TMEM198: variants seen among roughly 807,000 people sequenced by gnomAD.
The protein encoded by TMEM198 is transmembrane protein 198.
TMEM198 carries 21 observed loss-of-function variants against 31.5 expected under a neutral mutation model. That is an observed-to-expected ratio of 0.67 (90% CI 0.47 to 0.96). The LOEUF (loss-of-function observed/expected upper bound fraction) is 0.96. Among genes scored for constraint, TMEM198 ranks in the 40% least tolerant of loss-of-function variants. The pLI, the probability that TMEM198 is intolerant of heterozygous loss-of-function variation, is 0.00. For synonymous variants in TMEM198, 211 were observed against 223.3 expected, an observed-to-expected ratio of 0.95 and a Z score of 0.49; for missense variants, 447 against 499.4, an observed-to-expected ratio of 0.89 and a Z score of 1.00.
At position 219,544,273 on chromosome 2, in the gene TMEM198, T is replaced by G; in HGVS notation, c.-144T>G. The G allele has an allele frequency of 2.1e-6, 1 of 469,408 alleles. No homozygotes were observed. The highest frequency in any genetic ancestry group is 4.4e-6 in the Non-Finnish European group (1 of 228,450). 29.1% of individuals were successfully genotyped at this position (469,408 alleles called of 1,614,324 possible). A position where few individuals can be genotyped will look rare whatever the true frequency, so the allele number is the denominator to read the frequency against. ...GCCCCCTTCCTCGCACGACGGACTT[T>G]CCCTGGACCCCAGTCAGTTGGAGCC... On this transcript the variant is annotated 5_prime_UTR_variant, in exon 1 of 5. Transcript: ENST00000373883.
In TMEM198 at chr2:219,549,850, T is replaced by C; in HGVS notation, c.1079T>C (p.Val360Ala). ...LTACSGPPVR[V>A] Reference sequence around the variant, plus strand: ...GCCTGCTCAGGCCCCCCAGTGCGGGTATAGCCATATCTGTCTGTCTAGACT... The same window carrying C: ...GCCTGCTCAGGCCCCCCAGTGCGGGCATAGCCATATCTGTCTGTCTAGACT... The change falls in exon 5 of 5, where the codon GTA becomes GCA. Residue 360 changes from valine to alanine, a missense_variant. By Grantham distance (64) the Val-to-Ala change is moderately conservative. Coordinates refer to ENST00000373883, the MANE Select transcript of TMEM198 (RefSeq NM_001005209.3). 1 of 1,613,826 alleles carries C rather than the reference T, an allele frequency of 6.2e-7. No individual in the cohort carries two copies.
At position 219,544,657 on chromosome 2, in the gene TMEM198, C is replaced by G; in HGVS notation, c.-39-32C>G. 5 of 1,577,678 alleles carry G rather than the reference C, an allele frequency of 3.2e-6. No homozygotes were observed. The South Asian group carries it at 5.6e-5, about 18-fold the overall frequency. On this transcript the variant is annotated intron_variant, in intron 1 of 4. Transcript: ENST00000373883. ...CCCCCATCCTGGTGGGGACCCAGGA[C>G]TCCTCCGTGACCCCAACTTTCCCTC...
chr2:219,546,752 C>T (rs1453802968), intron 2 of TMEM198, among the ~76,000 whole-genome samples: 2 of 149,712 alleles, frequency 1.3e-5, no homozygotes, highest in Admixed American at 6.7e-5. Flanking sequence ...CTTTCTGAAC[C>T]TGTGTGACCC....
At position 219,549,353 on chromosome 2, in the gene TMEM198, CG is replaced by C; in HGVS notation, c.945+1del. ...CGCTTCAATGGAGACGTCCTCTCCCCGGTGAGCTCCCTGAGCCCATCCAGCC... is the reference window on the plus strand; with the variant it reads ...CGCTTCAATGGAGACGTCCTCTCCCCGTGAGCTCCCTGAGCCCATCCAGCC... ...IKRFNGDVLS[P>X]SYIQSFRDRQ... On this transcript the variant is annotated frameshift_variant and splice_region_variant, in exon 4 of 5. Transcript: ENST00000373883. LOFTEE classifies it high-confidence loss of function. 1 of 1,611,124 alleles carries C rather than the reference CG, an allele frequency of 6.2e-7. No homozygotes were observed. The highest frequency in any genetic ancestry group is 8.5e-7 in the Non-Finnish European group (1 of 1,178,406).
rs981290001 is a variant in TMEM198 at position 219,545,037 on chromosome 2, A to G, written c.166+144A>G. 4.4e-6 allele frequency: 5 copies of G among 1,138,014 alleles called. No individual in the cohort carries two copies. In the Admixed American group the frequency reaches 1.4e-4, roughly 32 times the overall value. The allele number at this position is 1,138,014 out of a possible 1,614,324, so 70.5% of individuals were successfully genotyped here. A position where few individuals can be genotyped will look rare whatever the true frequency, so the allele number is the denominator to read the frequency against. On this transcript the variant is annotated intron_variant, in intron 2 of 4. Coordinates refer to ENST00000373883, the MANE Select transcript of TMEM198 (RefSeq NM_001005209.3). The stretch of plus-strand genomic sequence containing the variant: ...CATCCCACACATTTATAGATTGTCT[A>G]GACTCTAGATTATAGGAAAAACAGG...
chr2:219,549,120 T>C, intron 3 of TMEM198, 32 bp from the exon 4 acceptor site: 1 of 1,612,642 alleles, frequency 6.2e-7, no homozygotes, highest in Non-Finnish European at 8.5e-7. Context: ...CGCACCGTCC[T>C]CTGAGCTCCT....
Position 219,544,732 on chromosome 2 carries a change from C to A in TMEM198, c.5C>A (p.Pro2Gln). 1 of 1,613,642 alleles carries A rather than the reference C, an allele frequency of 6.2e-7. No homozygotes were observed. The highest frequency in any genetic ancestry group is 8.5e-7 in the Non-Finnish European group (1 of 1,179,980). The stretch of plus-strand genomic sequence containing the variant: ...CTCCCTTCTATTCCCAGCACTATGC[C>A]GGGGACTGTGGCAACACTGCGGTTC... MPGTVATLRFQL... is the reference protein window; with the variant it reads MQGTVATLRFQL... The change falls in exon 2 of 5, where the codon CCG becomes CAG. Residue 2 changes from proline to glutamine, a missense_variant. By Grantham distance (76) the Pro-to-Gln change is moderately conservative. Coordinates refer to ENST00000373883, the MANE Select transcript of TMEM198 (RefSeq NM_001005209.3).
Position 219,550,009 on chromosome 2 carries a change from C to T in TMEM198, c.*155C>T. 1 of 1,071,264 alleles carries T rather than the reference C, an allele frequency of 9.3e-7. No individual in the cohort carries two copies. Among genetic ancestry groups the T allele is most frequent in the South Asian group, 1.7e-5 (1 of 59,638 alleles). 66.4% of individuals were successfully genotyped at this position (1,071,264 alleles called of 1,614,324 possible). On this transcript the variant is annotated 3_prime_UTR_variant, in exon 5 of 5. Transcript: ENST00000373883. ...GAAGGGAGGATTGTCTCAGGCGAGT[C>T]TTGGCCTGAGAGGAAAGCCCCCTCC...
chr2:219,544,086 C>A lies in TMEM198; in HGVS notation c.-331C>A, dbSNP rs751121650. ...CCAAAGGCCGCGGGCGGGCTCAGGG[C>A]ATGGGGCCGCGGTTCTGGGGCGGCC... On this transcript the variant is annotated 5_prime_UTR_variant, in exon 1 of 5. Transcript: ENST00000373883. The A allele has an allele frequency of 4.6e-5, 20 of 431,754 alleles. No individual in the cohort carries two copies. The highest frequency in any genetic ancestry group is 2.3e-4 in the South Asian group (14 of 60,172). 26.7% of individuals were successfully genotyped at this position (431,754 alleles called of 1,614,324 possible).
chr2:219,544,795 G>T lies in TMEM198; in HGVS notation c.68G>T (p.Gly23Val). The T allele has an allele frequency of 3.1e-6, 5 of 1,614,212 alleles. No homozygotes were observed. The highest frequency in any genetic ancestry group is 4.2e-6 in the Non-Finnish European group (5 of 1,180,040). Reference protein sequence around the residue: ...LPPEPDDAFWGAPCEQPLERR... With the variant: ...LPPEPDDAFWVAPCEQPLERR... ...CCTGAGCCAGATGATGCCTTCTGGG[G>T]TGCACCTTGTGAACAGCCCCTGGAG... is the stretch of plus-strand genomic sequence containing the variant. Residue 23 changes from glycine to valine, a missense_variant, in exon 2 of 5, where the codon GGT (glycine) becomes GTT (valine). Coordinates refer to ENST00000373883, the MANE Select transcript of TMEM198 (RefSeq NM_001005209.3).
chr2:219,547,586 G>C lies in TMEM198; in HGVS notation c.247G>C (p.Glu83Gln). 2 of 1,470,440 alleles carry C rather than the reference G, an allele frequency of 1.4e-6. No homozygotes were observed. The highest frequency in any genetic ancestry group is 9.0e-7 in the Non-Finnish European group (1 of 1,107,958). 91.1% of individuals were successfully genotyped at this position (1,470,440 alleles called of 1,614,324 possible). The change falls in exon 3 of 5, where the codon GAG becomes CAG. Residue 83 changes from glutamate (E) to glutamine (Q), a missense_variant. Glu to Gln is a conservative substitution (Grantham distance 29). Coordinates refer to ENST00000373883, the MANE Select transcript of TMEM198 (RefSeq NM_001005209.3). ...GGTCATCTTCCTCCTCTGCTACCGA[G>C]AGCGGGTGCTAGAGACACAGCTGAG... Reference protein sequence around the residue: ...SVVIFLLCYRERVLETQLSAG... With the variant: ...SVVIFLLCYRQRVLETQLSAG...
In TMEM198 at chr2:219,548,075, A is replaced by G. The variant is rs573814239; in HGVS notation, c.736A>G (p.Thr246Ala). The G allele has an allele frequency of 6.4e-7, 1 of 1,552,380 alleles. No individual in the cohort carries two copies. The highest frequency in any genetic ancestry group is 1.3e-5 in the African/African-American group (1 of 74,388). Reference protein sequence around the residue: ...WRVTAEGDSHTEVVISRQRRR... With the variant: ...WRVTAEGDSHAEVVISRQRRR... ...GGTGACAGCTGAGGGGGACTCCCAC[A>G]CGGAAGGTAAGGGGGCACAGGCCAA... is the stretch of plus-strand genomic sequence containing the variant. Residue 246 changes from threonine to alanine, a missense_variant, in exon 3 of 5, where the codon ACG becomes GCG. Physicochemically the swap from Thr to Ala is moderately conservative, Grantham distance 58. Coordinates refer to ENST00000373883, the MANE Select transcript of TMEM198 (RefSeq NM_001005209.3).
Position 219,549,156 on chromosome 2 carries a change from C to A in TMEM198, c.747C>A (p.Val249=). ...TCTCTACCCATCCCACCACAGTGGT[C>A]ATCAGCCGGCAGCGCCGACGCGTGC... The part of the protein sequence containing the change: ...TAEGDSHTEV[V]ISRQRRRVQL... The change falls in exon 4 of 5, where the codon GTC becomes GTA. Residue 249 remains valine, a synonymous_variant. Coordinates refer to ENST00000373883, the MANE Select transcript of TMEM198 (RefSeq NM_001005209.3). 6.2e-7 allele frequency: 1 copy of A among 1,613,826 alleles called. No homozygotes were observed. Among genetic ancestry groups the A allele is most frequent in the South Asian group, 1.1e-5 (1 of 91,042 alleles).
chr2:219,548,121 G>A (rs750724556), intron 3 of TMEM198, 40 bp downstream of exon 3: 19 of 1,470,450 alleles, frequency 1.3e-5, no homozygotes, highest in Middle Eastern at 4.8e-4. Context: ...AGAGGAGTGG[G>A]TGGCCAGGGA....
rs759095370 is a variant in TMEM198, at chr2:219,547,687, G to A, written c.348G>A (p.Val116=). The A allele has an allele frequency of 1.3e-5, 20 of 1,562,898 alleles. No homozygotes were observed. Among genetic ancestry groups the A allele is most frequent in the East Asian group, 2.3e-5 (1 of 44,360 alleles). ...TGGTGGCCATGCTAGTGCGCAGCGT[G>A]GGCCTCTTCCTGGTGGGGCTGCTGC... ...CGLVAMLVRS[V]GLFLVGLLLG... The change falls in exon 3 of 5, where the codon GTG becomes GTA. Residue 116 remains valine, a synonymous_variant. Transcript: ENST00000373883.
chr2:219,548,020 C>T lies in TMEM198; in HGVS notation c.681C>T (p.Leu227=), dbSNP rs925406073. 1.8e-5 allele frequency: 29 copies of T among 1,590,978 alleles called. No homozygotes were observed. Among genetic ancestry groups the T allele is most frequent in the Non-Finnish European group, 2.4e-5 (28 of 1,172,842 alleles). ...CCCTGCTGGCACTCTGGCCCCTGCT[C>T]AGCCTGATGGGCGTTCTGGTGCAGT... ...SWALLALWPL[L]SLMGVLVQWR... The change falls in exon 3 of 5, where the codon CTC becomes CTT. Residue 227 remains leucine, a synonymous_variant. Coordinates refer to ENST00000373883, the MANE Select transcript of TMEM198 (RefSeq NM_001005209.3).
Position 219,545,432 on chromosome 2 carries a change from G to A in TMEM198, c.166+539G>A, listed in dbSNP as rs371517363. On this transcript the variant is annotated intron_variant, in intron 2 of 4. Transcript: ENST00000373883. The stretch of plus-strand genomic sequence containing the variant: ...CATCCAGCCTACAAGGCAGGCTCCG[G>A]TAATCAGAGCTGCTGTGAATACTTG... Among the ~76,000 whole-genome samples the A allele has an allele frequency of 3.9e-5, 6 of 152,304 alleles. No homozygotes were observed. The East Asian group carries it at 7.7e-4, about 20-fold the overall frequency.
At chr2:219,544,626 C>T in intron 1 of TMEM198, 63 bp from the exon 2 acceptor site, 2 of 1,410,544 alleles carry the variant, frequency 1.4e-6, no homozygotes, top group Non-Finnish European at 2.0e-6. Context: ...CCCAATCCCT[C>T]TCCCACCCCC....
At chr2:219,548,624 G>A (rs1050030570) in intron 3 of TMEM198, among the ~76,000 whole-genome samples, 15 of 152,348 alleles carry the variant, frequency 9.8e-5, no homozygotes, top group African/African-American at 3.6e-4. Flanking sequence ...AGTGGGGCAG[G>A]AGTATGGGAG....
Sources: allele counts gnomAD v4.1 joint callset (sites outside exome capture counted in the v4.1 genomes callset), GRCh38; gene constraint gnomAD v4.1.1; transcripts MANE v1.5; gene names NCBI Gene and HGNC (gene_info 2026-07-23, HGNC 2026-07-21).